Variants in PHLPP2 observed in about 807,000 individuals in gnomAD.
PHLPP2 encodes PH domain and leucine rich repeat protein phosphatase 2.
Under a neutral mutation model 124.9 loss-of-function variants are expected in PHLPP2, and 66 were observed. The observed-to-expected ratio is 0.53, with a 90% CI of 0.43 to 0.65. The LOEUF is 0.65. Among genes scored for constraint, PHLPP2 ranks in the 30% least tolerant of loss-of-function variants. The probability of loss-of-function intolerance (pLI) is 0.00; values close to 1 mark genes in which losing one functional copy is unlikely to be tolerated. For missense variants in PHLPP2, 1,685 were observed against 1,600.4 expected (o/e 1.05, Z -0.90); for synonymous variants, 681 against 624.7 (o/e 1.09, Z -1.34).
Position 71,723,742 on chromosome 16 carries a change from C to T in PHLPP2, c.-7+587G>A, listed in dbSNP as rs1265153222. 7 of 1,161,422 alleles carry T rather than the reference C, an allele frequency of 6.0e-6. No homozygotes were observed. The Admixed American group carries it at 1.1e-4, about 18-fold the overall frequency. 71.9% of individuals were successfully genotyped at this position (1,161,422 alleles called of 1,614,324 possible). ...CCGCTTGCCCGCTCGCCCGCTCGCT[C>T]GCTCGCTGGTCCATCCGCCTCCTCA... On this transcript the variant is annotated intron_variant, in intron 1 of 18. Transcript: ENST00000568954.
chr16:71,652,070 A>G (rs927179446), intron 18 of PHLPP2, among the ~76,000 whole-genome samples: 6 of 152,230 alleles, frequency 3.9e-5, no homozygotes, highest in African/African-American at 1.4e-4. Flanking sequence ...GCAAAAAAAC[A>G]CTGTTAAAAG....
chr16:71,677,475 T>C (rs1597000181), intron 8 of PHLPP2: 1 of 106,140 alleles, frequency 9.4e-6, no homozygotes, highest in Non-Finnish European at 2.2e-5. Flanking sequence ...TATATATATA[T>C]ATATATATAT....
intron 3 of PHLPP2, among the ~76,000 whole-genome samples, chr16:71,692,820 TTG>T (rs1475756675): frequency 2.9e-4 from 12 of 40,728 alleles, no homozygotes; most frequent in East Asian, 8.9e-3. Flanking sequence ...ATATTTTTCT[TTG>T]TTTTTTTATT....
rs371926622 is a variant in PHLPP2 at position 71,676,569 on chromosome 16, C to A, written c.1349G>T (p.Arg450Leu). The A allele has an allele frequency of 4.3e-6, 7 of 1,613,862 alleles. No homozygotes were observed. Among genetic ancestry groups the A allele is most frequent in the South Asian group, 1.1e-5 (1 of 91,076 alleles). The change falls in exon 9 of 19, where the codon CGA becomes CTA. Residue 450 changes from arginine (R) to leucine (L), a missense_variant. Arg to Leu is a moderately radical substitution (Grantham distance 102, BLOSUM62 -2). Transcript: ENST00000568954. The part of the protein sequence containing the change: ...HITHVDLRDN[R>L]LTDLDLSSLC... ...GGAGCTAAGATCCAAGTCAGTCAGT[C>A]GGTTGTCCCGCAGATCCACGTGGGT...
chr16:71,687,563 CAT>C (rs1475217396), intron 4 of PHLPP2, among the ~76,000 whole-genome samples: 2 of 152,212 alleles, frequency 1.3e-5, no homozygotes, highest in African/African-American at 2.4e-5. Flanking sequence ...GAAAATTTAA[CAT>C]GTTATTTTGC....
intron 2 of PHLPP2, among the ~76,000 whole-genome samples, chr16:71,710,176 A>T (rs952639861): frequency 6.6e-6 from 1 of 152,046 alleles, no homozygotes; most frequent in Admixed American, 6.6e-5. Context: ...GTCTCTCTGG[A>T]CCTTGCCACC....
chr16:71,663,744 T>C (rs138240454), intron 13 of PHLPP2, among the ~76,000 whole-genome samples, 155 bp downstream of exon 13: 12 of 152,336 alleles, frequency 7.9e-5, no homozygotes, highest in African/African-American at 2.6e-4. Flanking sequence ...GTACTAACTA[T>C]TAAGATGAGA....
Position 71,649,326 on chromosome 16 carries a change from A to G in PHLPP2, c.3536T>C (p.Leu1179Pro), listed in dbSNP as rs2044677137. 1 of 1,613,722 alleles carries G rather than the reference A, an allele frequency of 6.2e-7. No individual in the cohort carries two copies. Residue 1179 changes from leucine (L) to proline (P), a missense_variant, in exon 19 of 19, where the codon CTG (leucine) becomes CCG (proline). Physicochemically the swap from Leu to Pro is moderately conservative, Grantham distance 98. Transcript: ENST00000568954. ...CTCTATGAGAGGGGGTGAGTTCTCCAGATCCCTCCCCCTGCAGCAGTGGAT... is the reference window on the plus strand; with the variant it reads ...CTCTATGAGAGGGGGTGAGTTCTCCGGATCCCTCCCCCTGCAGCAGTGGAT... ...VDIHCCRGRD[L>P]ENSPPLIESS...
At chr16:71,673,955 TC>T (rs758651730) in intron 9 of PHLPP2, among the ~76,000 whole-genome samples, 12 of 152,224 alleles carry the variant, frequency 7.9e-5, no homozygotes, top group Admixed American at 1.3e-4. Flanking sequence ...ACAGAAGTCC[TC>T]AACTTTTATC....
At chr16:71,689,738 C>A (rs1410838968) in intron 4 of PHLPP2, among the ~76,000 whole-genome samples, 4 of 152,054 alleles carry the variant, frequency 2.6e-5, no homozygotes, top group Non-Finnish European at 2.9e-5. Flanking sequence ...TGGTTTCAAA[C>A]TCCTGGCCTC....
chr16:71,675,007 T>A (rs1031918014), intron 9 of PHLPP2, among the ~76,000 whole-genome samples: 3 of 152,118 alleles, frequency 2.0e-5, no homozygotes, highest in Non-Finnish European at 4.4e-5. Flanking sequence ...AAAATCCTAC[T>A]TTTTCATGCT....
Position 71,648,463 on chromosome 16 carries a change from C to T in PHLPP2, c.*427G>A, listed in dbSNP as rs2044668585. The T allele has an allele frequency of 5.6e-6, 1 of 177,010 alleles. No individual in the cohort carries two copies. The highest frequency in any genetic ancestry group is 2.4e-5 in the African/African-American group (1 of 42,164). 11.0% of individuals were successfully genotyped at this position (177,010 alleles called of 1,614,324 possible). A position where few individuals can be genotyped will look rare whatever the true frequency, so the allele number is the denominator to read the frequency against. Reference sequence around the variant, plus strand: ...TGGCTCCGAGTTCAACCCCACACAGCTATGGTTTAGAAATGTAGACGCAGG... The same window carrying T: ...TGGCTCCGAGTTCAACCCCACACAGTTATGGTTTAGAAATGTAGACGCAGG... On this transcript the variant is annotated 3_prime_UTR_variant, in exon 19 of 19. Coordinates refer to ENST00000568954, the MANE Select transcript of PHLPP2 (RefSeq NM_015020.3).
At chr16:71,689,380 C>T (rs1242600125) in intron 4 of PHLPP2, among the ~76,000 whole-genome samples, 1 of 145,484 alleles carries the variant, frequency 6.9e-6, no homozygotes, top group African/African-American at 2.5e-5. Flanking sequence ...CACCACTACA[C>T]CTGGCTTTTT....
In PHLPP2 at chr16:71,681,837, G is replaced by A; in HGVS notation, c.804C>T (p.Leu268=). ...GGTAGGTAATATCTTGACTATAGAA[G>A]AGATGCTCAGGAACCTCCTCGAGGC... ...CYSLEEVPEH[L]FYSQDITYLN... is the part of the protein sequence containing the mutation. Residue 268 remains leucine, a synonymous_variant, in exon 6 of 19, where the codon CTC becomes CTT. Transcript: ENST00000568954. The A allele has an allele frequency of 1.2e-6, 2 of 1,613,868 alleles. No individual in the cohort carries two copies. Among genetic ancestry groups the A allele is most frequent in the Non-Finnish European group, 1.7e-6 (2 of 1,179,848 alleles).
intron 12 of PHLPP2, among the ~76,000 whole-genome samples, 200 bp downstream of exon 12, chr16:71,666,978 T>A (rs2044845018): frequency 6.6e-6 from 1 of 152,240 alleles, no homozygotes; most frequent in South Asian, 2.1e-4. Flanking sequence ...GATTTAACAG[T>A]TATTTCAACT....
At position 71,667,165 on chromosome 16, in the gene PHLPP2, C is replaced by T. The variant is rs778555169; in HGVS notation, c.1784+13G>A. ...TGATTCTGCTCTTCCGAAAAAAATCCTATGATACTTACTTTAAGGCCTTGG... is the reference window on the plus strand; with the variant it reads ...TGATTCTGCTCTTCCGAAAAAAATCTTATGATACTTACTTTAAGGCCTTGG... On this transcript the variant is annotated intron_variant, in intron 12 of 18. Coordinates refer to ENST00000568954, the MANE Select transcript of PHLPP2 (RefSeq NM_015020.3). 1 of 1,605,136 alleles carries T rather than the reference C, an allele frequency of 6.2e-7. No individual in the cohort carries two copies. Among genetic ancestry groups the T allele is most frequent in the South Asian group, 1.1e-5 (1 of 89,636 alleles).
chr16:71,684,672 C>T, intron 4 of PHLPP2, 71 bp from the exon 5 acceptor site: 5 of 1,411,026 alleles, frequency 3.5e-6, no homozygotes, highest in South Asian at 1.3e-5. Flanking sequence ...AAAAGGCAAT[C>T]ACAAGACGAA....
chr16:71,683,008 T>A (rs2045017700), intron 5 of PHLPP2, among the ~76,000 whole-genome samples: 1 of 152,026 alleles, frequency 6.6e-6, no homozygotes. Flanking sequence ...CTGTCTCTAC[T>A]AAAAATACAC....
At position 71,648,855 on chromosome 16, in the gene PHLPP2, C is replaced by A; in HGVS notation, c.*35G>T. ...CTAGCAAGTCCCTACCCCAACCCTG[C>A]ACAGCCTCCTCCCACACTGTGCCCA... On this transcript the variant is annotated 3_prime_UTR_variant, in exon 19 of 19. Coordinates refer to ENST00000568954, the MANE Select transcript of PHLPP2 (RefSeq NM_015020.3). 1 of 1,529,692 alleles carries A rather than the reference C, an allele frequency of 6.5e-7. No individual in the cohort carries two copies. The highest frequency in any genetic ancestry group is 9.0e-7 in the Non-Finnish European group (1 of 1,109,506). 94.8% of individuals were successfully genotyped at this position (1,529,692 alleles called of 1,614,324 possible).
Sources: gnomAD v4.1 joint callset for allele counts (sites outside exome capture counted in the v4.1 genomes callset) on GRCh38, gnomAD v4.1.1 for gene constraint, MANE v1.5 for transcripts, NCBI Gene and HGNC (gene_info 2026-07-23, HGNC 2026-07-21) for gene names.